Variants in GPRASP3 observed in about 807,000 individuals in gnomAD.
The protein encoded by GPRASP3 is G protein-coupled receptor associated sorting protein 3.
the GPRASP3 span, among the ~76,000 whole-genome samples, chrX:102,742,686 T>C: frequency 6.3e-5 from 7 of 111,683 alleles, no homozygotes; most frequent in Non-Finnish European, 1.1e-4. Flanking sequence ...TAAAGATAGC[T>C]CAAGCTGGTA....
At chrX:102,749,195 T>C in the GPRASP3 span, 2 of 1,211,927 alleles carry the variant, frequency 1.7e-6, no homozygotes, top group South Asian at 3.5e-5. Flanking sequence ...AACAAGGTTG[T>C]TGCTGAGACG....
the GPRASP3 span, chrX:102,752,447 G>T: frequency 8.1e-6 from 1 of 123,169 alleles, no homozygotes; most frequent in African/African-American, 3.2e-5. Context: ...ACATATTTTT[G>T]AATCACTTAA....
chrX:102,743,788 A>G, the GPRASP3 span, among the ~76,000 whole-genome samples: 1 of 109,352 alleles, frequency 9.1e-6, no homozygotes, highest in Non-Finnish European at 1.9e-5. Context: ...TGGTCCTCCT[A>G]TGTGCTGAGT....
the GPRASP3 span, among the ~76,000 whole-genome samples, chrX:102,739,358 A>G: frequency 3.1e-4 from 35 of 111,486 alleles, 1 homozygote; most frequent in Middle Eastern, 4.6e-3. Context: ...CCCTTAGAAT[A>G]TGACCTTGAA....
At chrX:102,751,302 C>T in the GPRASP3 span, 2 of 123,588 alleles carry the variant, frequency 1.6e-5, no homozygotes, top group Non-Finnish European at 3.7e-5. Context: ...AGGCAGGAAA[C>T]GTTTTGTGAG....
chrX:102,726,638 G>A, the GPRASP3 span, among the ~76,000 whole-genome samples: 1 of 111,762 alleles, frequency 8.9e-6, no homozygotes, highest in South Asian at 3.7e-4. Flanking sequence ...TTGTTGTTTA[G>A]TGCACCTGGG....
the GPRASP3 span, among the ~76,000 whole-genome samples, chrX:102,722,501 T>C: frequency 2.7e-5 from 3 of 112,142 alleles, no homozygotes; most frequent in Non-Finnish European, 5.6e-5. Flanking sequence ...GATGAAATCA[T>C]TGACCATTGG....
the GPRASP3 span, among the ~76,000 whole-genome samples, chrX:102,733,328 G>A: frequency 1.1e-4 from 12 of 109,397 alleles, no homozygotes; most frequent in Non-Finnish European, 2.1e-4. Context: ...GCATGGTGGC[G>A]GGCGCCTGTA....
chrX:102,745,680 G>A, the GPRASP3 span, among the ~76,000 whole-genome samples: 2 of 111,315 alleles, frequency 1.8e-5, no homozygotes, highest in South Asian at 7.7e-4. Flanking sequence ...CACACCAAGG[G>A]GCGGTTTGGT....
chrX:102,722,618 T>C, the GPRASP3 span, among the ~76,000 whole-genome samples: 17 of 111,615 alleles, frequency 1.5e-4, 2 homozygotes, highest in East Asian at 8.4e-4. Flanking sequence ...ACCATCCATA[T>C]CTTGAAGCTA....
the GPRASP3 span, among the ~76,000 whole-genome samples, chrX:102,724,664 T>C: frequency 9.1e-6 from 1 of 110,356 alleles, no homozygotes; most frequent in South Asian, 3.9e-4. Flanking sequence ...AGCAGATACT[T>C]AAACAGTTTA....
chrX:102,728,357 C>T, the GPRASP3 span, among the ~76,000 whole-genome samples: 3 of 108,022 alleles, frequency 2.8e-5, no homozygotes, highest in African/African-American at 1.0e-4. Context: ...TGGCCATTAC[C>T]AGGAATTTTG....
chrX:102,723,232 A>AGT, the GPRASP3 span, among the ~76,000 whole-genome samples: 1 of 112,136 alleles, frequency 8.9e-6, no homozygotes, highest in South Asian at 3.7e-4. Flanking sequence ...AGTGTAAGAA[A>AGT]GTGTTGCTAG....
the GPRASP3 span, among the ~76,000 whole-genome samples, chrX:102,736,292 G>A: frequency 8.9e-6 from 1 of 112,235 alleles, no homozygotes; most frequent in African/African-American, 3.2e-5. Context: ...AGGCATTACA[G>A]TTTAAATTTT....
the GPRASP3 span, among the ~76,000 whole-genome samples, chrX:102,725,672 A>G: frequency 1.8e-5 from 2 of 110,972 alleles, no homozygotes; most frequent in South Asian, 7.6e-4. Context: ...GATTACAGGC[A>G]CACACCACTG....
the GPRASP3 span, among the ~76,000 whole-genome samples, chrX:102,721,753 C>A: frequency 9.0e-6 from 1 of 111,275 alleles, no homozygotes; most frequent in Non-Finnish European, 1.9e-5. Flanking sequence ...GGACCACCTA[C>A]AGAAACTGCT....
chrX:102,750,454 T>C, the GPRASP3 span: 3 of 1,208,488 alleles, frequency 2.5e-6, no homozygotes, highest in African/African-American at 1.7e-5. Flanking sequence ...TATGAAGGCA[T>C]TGGCAGCATT....
At chrX:102,723,230 A>G in the GPRASP3 span, among the ~76,000 whole-genome samples, 1 of 112,159 alleles carries the variant, frequency 8.9e-6, no homozygotes, top group Non-Finnish European at 1.9e-5. Context: ...TCAGTGTAAG[A>G]AAGTGTTGCT....
the GPRASP3 span, among the ~76,000 whole-genome samples, chrX:102,724,354 C>T: frequency 8.9e-6 from 1 of 111,842 alleles, no homozygotes; most frequent in African/African-American, 3.3e-5. Context: ...GTGTATTCTA[C>T]ATCAACAAGT....
Sources: gnomAD v4.1 joint callset for allele counts (sites outside exome capture counted in the v4.1 genomes callset) on GRCh38, gnomAD v4.1.1 for gene constraint, MANE v1.5 for transcripts, NCBI Gene and HGNC (gene_info 2026-07-23, HGNC 2026-07-21) for gene names.